Variants in GLMN observed in about 807,000 individuals in gnomAD.
GLMN encodes the protein glomulin.
Under a neutral mutation model 87.8 loss-of-function variants are expected in GLMN, and 75 were observed. That is an observed-to-expected ratio of 0.85 (90% CI 0.71 to 1.04). The LOEUF is 1.04. Ranked by LOEUF, GLMN falls within the 50% of genes least tolerant of loss-of-function variation. GLMN has a pLI of 0.00. For synonymous variants in GLMN, 206 were observed against 221.6 expected, an observed-to-expected ratio of 0.93 and a Z score of 0.63; for missense variants, 588 against 658.8, an observed-to-expected ratio of 0.89 and a Z score of 1.18.
At chr1:92,323,410 T>C in the GLMN span, 1 of 1,415,788 alleles carries the variant, frequency 7.1e-7, no homozygotes. Context: ...TTGCTATTTT[T>C]TATTTAGTTA....
upstream of GLMN, among the ~76,000 whole-genome samples, chr1:92,299,313 G>T (rs1384187797): frequency 6.6e-6 from 1 of 152,188 alleles, no homozygotes; most frequent in Non-Finnish European, 1.5e-5. Context: ...TCCTGGGAAA[G>T]ATTTCCTGGC....
At chr1:92,260,950 C>A (rs1420732944) in intron 16 of GLMN, among the ~76,000 whole-genome samples, 2 of 152,150 alleles carry the variant, frequency 1.3e-5, no homozygotes, top group Admixed American at 6.6e-5. Flanking sequence ...CTTTGTATTA[C>A]TCTGTGTTCC....
In GLMN at chr1:92,263,657, C is replaced by A. The variant is rs759304056; in HGVS notation, c.1375G>T (p.Gly459Cys). 16 of 1,583,002 alleles carry A rather than the reference C, an allele frequency of 1.0e-5. No individual in the cohort carries two copies. The highest frequency in any genetic ancestry group is 3.3e-4 in the Middle Eastern group (2 of 6,038). ...TTTTGCAGTAAATCTGTTTCTGCACCCTCTGGGAGAAAAAGTACCAAATCA... is the reference window on the plus strand; with the variant it reads ...TTTTGCAGTAAATCTGTTTCTGCACACTCTGGGAGAAAAAGTACCAAATCA... ...LLDLVLFLPE[G>C]AETDLLQNSD... Residue 459 changes from glycine (G) to cysteine (C), a missense_variant, in exon 15 of 19, where the codon GGT becomes TGT. By Grantham distance (159) the Gly-to-Cys change is radical. Coordinates refer to ENST00000370360, the MANE Select transcript of GLMN (RefSeq NM_053274.3).
At chr1:92,317,490 A>C in the GLMN span, among the ~76,000 whole-genome samples, 1 of 152,152 alleles carries the variant, frequency 6.6e-6, no homozygotes, top group African/African-American at 2.4e-5. Flanking sequence ...CCTAGGCAAC[A>C]GTGAGACTCT....
In GLMN at chr1:92,271,682, G is replaced by T. The variant is rs768456941; in HGVS notation, c.736-30C>A. ...GAAATGGATAAAAAAGGAAACCATA[G>T]CACACAGACTCTAAAATGCCCCCCA... On this transcript the variant is annotated intron_variant, in intron 7 of 18. Transcript: ENST00000370360. The T allele has an allele frequency of 4.1e-6, 6 of 1,478,406 alleles. No individual in the cohort carries two copies. In the South Asian group the frequency reaches 5.7e-5, roughly 14 times the overall value. The allele number at this position is 1,478,406 out of a possible 1,614,324, so 91.6% of individuals were successfully genotyped here.
At chr1:92,356,894 C>G in the GLMN span, among the ~76,000 whole-genome samples, 1 of 151,760 alleles carries the variant, frequency 6.6e-6, no homozygotes, top group Admixed American at 6.6e-5. Context: ...TAAAGTATGT[C>G]TCTCCTAAAA....
chr1:92,345,411 A>G, the GLMN span, among the ~76,000 whole-genome samples: 2 of 126,296 alleles, frequency 1.6e-5, no homozygotes, highest in Admixed American at 8.3e-5. Flanking sequence ...AGAGAGAGAG[A>G]GAAGAAAGAA....
chr1:92,280,053 C>G (rs1212833200), intron 7 of GLMN, among the ~76,000 whole-genome samples: 2 of 152,254 alleles, frequency 1.3e-5, no homozygotes, highest in Non-Finnish European at 2.9e-5. Flanking sequence ...CAAAAGGCAG[C>G]AGACAGCTTC....
upstream of GLMN, chr1:92,299,007 C>G (rs555339441): frequency 2.0e-4 from 154 of 788,596 alleles, no homozygotes; most frequent in East Asian, 4.5e-3. Context: ...CCGCGCTACG[C>G]GTAGGGAGGC....
chr1:92,287,238 C>T (rs7520555), intron 6 of GLMN, among the ~76,000 whole-genome samples: 6,017 of 152,170 alleles, frequency 0.04, 330 homozygotes, highest in African/African-American at 0.12. Context: ...TTTCACACAG[C>T]TCTATTTGTT....
At chr1:92,259,453 C>G (rs1042621133) in intron 16 of GLMN, among the ~76,000 whole-genome samples, 3 of 152,080 alleles carry the variant, frequency 2.0e-5, no homozygotes, top group Non-Finnish European at 4.4e-5. Context: ...GGAGGGCTTA[C>G]GAAGAGAATA....
At chr1:92,297,379 A>G in intron 3 of GLMN, 25 bp downstream of exon 3, 1 of 1,609,838 alleles carries the variant, frequency 6.2e-7, no homozygotes. Context: ...CAAGACTGAA[A>G]AGTAAACACC....
the GLMN span, among the ~76,000 whole-genome samples, chr1:92,305,325 C>T: frequency 2.0e-5 from 3 of 148,142 alleles, no homozygotes; most frequent in East Asian, 6.0e-4. Context: ...CCCAGCTACT[C>T]GGGAGGCTGA....
At chr1:92,362,886 G>GA in the GLMN span, among the ~76,000 whole-genome samples, 1 of 151,972 alleles carries the variant, frequency 6.6e-6, no homozygotes, top group Non-Finnish European at 1.5e-5. Context: ...TTTCAGTGCA[G>GA]AAAAAAATGT....
At chr1:92,273,964 C>CTACA (rs1226280409) in intron 7 of GLMN, among the ~76,000 whole-genome samples, 2 of 152,144 alleles carry the variant, frequency 1.3e-5, no homozygotes, top group Admixed American at 6.5e-5. Flanking sequence ...TGTTCCTGTA[C>CTACA]TACAGCCTTT....
the GLMN span, among the ~76,000 whole-genome samples, chr1:92,362,541 T>C: frequency 6.6e-6 from 1 of 152,204 alleles, no homozygotes; most frequent in Non-Finnish European, 1.5e-5. Context: ...AGCTCAAGTA[T>C]AATCTGCCTT....
intron 6 of GLMN, 62 bp downstream of exon 6, chr1:92,288,850 CAT>C: frequency 2.3e-6 from 2 of 861,278 alleles, no homozygotes; most frequent in Non-Finnish European, 4.0e-6. Flanking sequence ...AGTGAAGAAA[CAT>C]AAAATAACTG....
At chr1:92,289,434 G>C (rs747881126) in intron 5 of GLMN, among the ~76,000 whole-genome samples, 65 of 152,106 alleles carry the variant, frequency 4.3e-4, no homozygotes, top group Non-Finnish European at 6.3e-4. Context: ...TTTTTGGGTT[G>C]TTATAAGCAC....
At chr1:92,364,207 A>G in the GLMN span, among the ~76,000 whole-genome samples, 1 of 152,280 alleles carries the variant, frequency 6.6e-6, no homozygotes, top group South Asian at 2.1e-4. Flanking sequence ...CTTCTTCCCC[A>G]TATCTCCATA....
Sources: gnomAD v4.1 joint callset for allele counts (sites outside exome capture counted in the v4.1 genomes callset) on GRCh38, gnomAD v4.1.1 for gene constraint, MANE v1.5 for transcripts, NCBI Gene and HGNC (gene_info 2026-07-23, HGNC 2026-07-21) for gene names.